Variants in MAD1L1 observed in about 807,000 individuals in gnomAD.
MAD1L1 encodes the protein mitotic spindle assembly checkpoint protein MAD1.
MAD1L1 carries 95 observed loss-of-function variants against 96.9 expected under a neutral mutation model. That is an observed-to-expected ratio of 0.98 (90% CI 0.83 to 1.16). MAD1L1 has a LOEUF of 1.16. Ranked by LOEUF, MAD1L1 falls within the 50% of genes most tolerant of loss-of-function variation. The pLI, the probability that MAD1L1 is intolerant of heterozygous loss-of-function variation, is 0.00. For missense variants in MAD1L1, 1,007 were observed against 954.4 expected, an observed-to-expected ratio of 1.06 and a Z score of -0.73; for synonymous variants, 473 against 396.6, an observed-to-expected ratio of 1.19 and a Z score of -2.29.
intron 18 of MAD1L1, among the ~76,000 whole-genome samples, chr7:1,871,141 G>A (rs892046376): frequency 6.8e-5 from 10 of 146,600 alleles, no homozygotes; most frequent in Non-Finnish European, 1.5e-4. Context: ...ACATACGCCT[G>A]CCACGCTGAA....
At chr7:2,150,876 G>C (rs1190314124) in intron 10 of MAD1L1, among the ~76,000 whole-genome samples, 1 of 152,236 alleles carries the variant, frequency 6.6e-6, no homozygotes, top group Non-Finnish European at 1.5e-5. Flanking sequence ...TGAACATCTA[G>C]TGGGGACAGC....
intron 18 of MAD1L1, among the ~76,000 whole-genome samples, chr7:1,823,736 C>A (rs1328575378): frequency 6.6e-6 from 1 of 152,214 alleles, no homozygotes; most frequent in Non-Finnish European, 1.5e-5. Flanking sequence ...TTCTCAGACA[C>A]ACCCCTGCTC....
At chr7:1,844,518 C>T (rs1392740785) in intron 18 of MAD1L1, among the ~76,000 whole-genome samples, 1 of 152,098 alleles carries the variant, frequency 6.6e-6, no homozygotes, top group Non-Finnish European at 1.5e-5. Context: ...CTGCAGGGGG[C>T]AGAGGCGGCC....
chr7:2,184,113 G>A (rs1038389511), intron 10 of MAD1L1, among the ~76,000 whole-genome samples: 10 of 151,910 alleles, frequency 6.6e-5, no homozygotes, highest in Admixed American at 1.3e-4. Context: ...TTAGCCAGGC[G>A]TGGTGGCGGG....
chr7:1,876,915 C>T (rs1252926701), intron 18 of MAD1L1, among the ~76,000 whole-genome samples: 1 of 117,976 alleles, frequency 8.5e-6, no homozygotes, highest in Non-Finnish European at 1.9e-5. Flanking sequence ...CATCTCCAGG[C>T]CCCCCGCCCT....
At chr7:1,865,106 C>A (rs1460058820) in intron 18 of MAD1L1, among the ~76,000 whole-genome samples, 1 of 152,200 alleles carries the variant, frequency 6.6e-6, no homozygotes, top group Non-Finnish European at 1.5e-5. Context: ...CCAGTCTGCC[C>A]TGTCCAGAGC....
At chr7:2,190,843 G>A (rs1791684652) in intron 10 of MAD1L1, among the ~76,000 whole-genome samples, 1 of 152,126 alleles carries the variant, frequency 6.6e-6, no homozygotes, top group African/African-American at 2.4e-5. Flanking sequence ...GAAAGAGCTC[G>A]GGATGTGGGG....
intron 12 of MAD1L1, among the ~76,000 whole-genome samples, chr7:2,053,756 T>C (rs1349312151): frequency 2.0e-5 from 3 of 152,038 alleles, no homozygotes; most frequent in Non-Finnish European, 4.4e-5. Flanking sequence ...GGGCTGCAGG[T>C]TTCAGTAGGC....
chr7:2,141,140 G>A (rs1040654842), intron 11 of MAD1L1, among the ~76,000 whole-genome samples: 10 of 152,350 alleles, frequency 6.6e-5, no homozygotes, highest in Non-Finnish European at 1.2e-4. Flanking sequence ...GCGTGTGCTC[G>A]CCTTGCGGGC....
At position 2,002,694 on chromosome 7, in the gene MAD1L1, G is replaced by A. The variant is rs1190051473; in HGVS notation, c.1360-573C>T. Among the ~76,000 whole-genome samples the A allele has an allele frequency of 3.3e-5, 5 of 152,194 alleles. No individual in the cohort carries two copies. The East Asian group carries it at 9.6e-4, about 29-fold the overall frequency. On this transcript the variant is annotated intron_variant, in intron 13 of 18. Coordinates refer to ENST00000265854, the MANE Select transcript of MAD1L1 (RefSeq NM_001013836.2). ...CAGGCTTGACCCCACACTAAGGGTA[G>A]AAAAGCCAGCAATGAAAAGCCAGCC...
intron 18 of MAD1L1, among the ~76,000 whole-genome samples, chr7:1,893,759 C>T (rs1786698408): frequency 6.6e-6 from 1 of 152,218 alleles, no homozygotes; most frequent in South Asian, 2.1e-4. Flanking sequence ...GAAACTGAGT[C>T]TCACAGGAGT....
At chr7:2,145,487 C>T (rs79632170) in intron 11 of MAD1L1, among the ~76,000 whole-genome samples, 8,774 of 152,282 alleles carry the variant, frequency 0.058, 858 homozygotes, top group African/African-American at 0.2. Flanking sequence ...CTCACAGCAG[C>T]GTTTGGAACT....
chr7:1,932,741 T>A (rs936366120), intron 17 of MAD1L1, among the ~76,000 whole-genome samples: 45 of 152,362 alleles, frequency 3.0e-4, no homozygotes, highest in African/African-American at 1.1e-3. Flanking sequence ...GGCAGGGAGC[T>A]GCGTCCTTCC....
chr7:1,918,836 C>T (rs939950714), intron 17 of MAD1L1, among the ~76,000 whole-genome samples: 11 of 152,214 alleles, frequency 7.2e-5, no homozygotes, highest in African/African-American at 2.2e-4. Context: ...GGCCCCAGGG[C>T]GACTGGTGCT....
intron 12 of MAD1L1, among the ~76,000 whole-genome samples, chr7:2,060,324 G>A (rs1200338992): frequency 6.7e-6 from 1 of 148,162 alleles, no homozygotes; most frequent in African/African-American, 2.5e-5. Context: ...CGCCGATGCT[G>A]AGATACGCCA....
At chr7:2,168,831 C>A (rs1637765) in intron 10 of MAD1L1, among the ~76,000 whole-genome samples, 2,238 of 152,284 alleles carry the variant, frequency 0.015, 26 homozygotes, top group African/African-American at 0.029. Context: ...GGCCCAGAGG[C>A]CACCGGGAGG....
At chr7:1,888,764 T>A (rs1562493761) in intron 18 of MAD1L1, among the ~76,000 whole-genome samples, 1 of 132,168 alleles carries the variant, frequency 7.6e-6, no homozygotes, top group Non-Finnish European at 1.5e-5. Flanking sequence ...CATGCATGTG[T>A]GTGTGTGGTT....
chr7:2,147,605 A>G (rs1288046064), intron 11 of MAD1L1, among the ~76,000 whole-genome samples: 1 of 152,200 alleles, frequency 6.6e-6, no homozygotes, highest in Non-Finnish European at 1.5e-5. Context: ...AAGCGCGTCC[A>G]TGGGATGCCC....
chr7:2,109,224 A>C (rs1787251720), intron 11 of MAD1L1, among the ~76,000 whole-genome samples: 1 of 152,120 alleles, frequency 6.6e-6, no homozygotes, highest in African/African-American at 2.4e-5. Context: ...CTCTGGTGTC[A>C]ATTACATGCA....
Sources: allele counts gnomAD v4.1 joint callset (sites outside exome capture counted in the v4.1 genomes callset), GRCh38; gene constraint gnomAD v4.1.1; transcripts MANE v1.5; gene names NCBI Gene and HGNC (gene_info 2026-07-23, HGNC 2026-07-21).